The following TENM3 variants were observed in gnomAD, a reference collection of about 807,000 sequenced individuals.
TENM3 encodes teneurin-3.
In TENM3, 63 loss-of-function variants were observed where a neutral mutation model predicts 255.1. The observed-to-expected ratio is 0.25, with a 90% CI of 0.20 to 0.30. TENM3 has a LOEUF of 0.30. Among genes scored for constraint, TENM3 ranks in the 10% least tolerant of loss-of-function variants. TENM3 has a pLI of 1.00. For synonymous variants in TENM3, 1,306 were observed against 1,322.3 expected (o/e 0.99, Z 0.27); for missense variants, 2,929 against 3,461.1 (o/e 0.85, Z 3.86).
At chr4:181,678,714 T>G in the TENM3 span, among the ~76,000 whole-genome samples, 1 of 151,916 alleles carries the variant, frequency 6.6e-6, no homozygotes, top group East Asian at 1.9e-4. Flanking sequence ...GGTTGTTCTA[T>G]ATATATATAC....
the TENM3 span, among the ~76,000 whole-genome samples, chr4:181,611,268 C>T: frequency 2.0e-5 from 3 of 152,160 alleles, no homozygotes; most frequent in Non-Finnish European, 4.4e-5. Flanking sequence ...TTATTGCTAA[C>T]TGAAGCACAA....
the TENM3 span, chr4:181,906,360 G>A: frequency 1.5e-5 from 3 of 206,710 alleles, no homozygotes; most frequent in South Asian, 1.0e-4. Flanking sequence ...CCTCCTGTAC[G>A]AGAGAACTCT....
the TENM3 span, among the ~76,000 whole-genome samples, chr4:181,881,255 G>A: frequency 6.6e-6 from 1 of 152,096 alleles, no homozygotes; most frequent in South Asian, 2.1e-4. Context: ...TTAGAGGCAA[G>A]TATGATGACT....
chr4:181,560,878 A>T, the TENM3 span, among the ~76,000 whole-genome samples: 2 of 152,156 alleles, frequency 1.3e-5, no homozygotes, highest in African/African-American at 4.8e-5. Context: ...CATGGCTCTA[A>T]AGCTTTTTTT....
At chr4:181,677,072 C>T in the TENM3 span, among the ~76,000 whole-genome samples, 1 of 151,424 alleles carries the variant, frequency 6.6e-6, no homozygotes, top group Admixed American at 6.6e-5. Context: ...CTACTTGGCC[C>T]TTAAATATTG....
At chr4:182,369,124 T>C (rs1766621342) in intron 3 of TENM3, among the ~76,000 whole-genome samples, 1 of 152,202 alleles carries the variant, frequency 6.6e-6, no homozygotes, top group African/African-American at 2.4e-5. Context: ...ATTTTGGATG[T>C]GAATGTTGTT....
chr4:181,890,357 G>A, the TENM3 span, among the ~76,000 whole-genome samples: 512 of 152,020 alleles, frequency 3.4e-3, 1 homozygote, highest in African/African-American at 0.012. Context: ...GGTCACTTCA[G>A]GACACACTTA....
chr4:181,865,881 A>G, the TENM3 span, among the ~76,000 whole-genome samples: 2 of 152,208 alleles, frequency 1.3e-5, no homozygotes, highest in East Asian at 1.9e-4. Flanking sequence ...AAAAATATCT[A>G]TCTATGAACA....
the TENM3 span, among the ~76,000 whole-genome samples, chr4:181,481,916 C>T: frequency 6.6e-6 from 1 of 152,066 alleles, no homozygotes; most frequent in African/African-American, 2.4e-5. Flanking sequence ...TCCTTAGAAA[C>T]AATGTGGCTA....
chr4:182,163,018 A>G (rs187886268), intron 1 of TENM3, among the ~76,000 whole-genome samples: 1 of 152,224 alleles, frequency 6.6e-6, no homozygotes, highest in Non-Finnish European at 1.5e-5. Context: ...TTATCCCATT[A>G]TCCTGTTTGT....
chr4:182,680,241 T>A lies in TENM3; in HGVS notation c.1538-7T>A, dbSNP rs1297582841. On this transcript the variant is annotated splice_polypyrimidine_tract_variant and splice_region_variant and intron_variant, in intron 8 of 27. Coordinates refer to ENST00000511685, the MANE Select transcript of TENM3 (RefSeq NM_001080477.4). The stretch of plus-strand genomic sequence containing the variant: ...CAACAAGTGTTCCTTCTTTCCTTTT[T>A]CTTCAGAGTCTGTGGTGGAATGTCC... 1 of 1,603,686 alleles carries A rather than the reference T, an allele frequency of 6.2e-7. No individual in the cohort carries two copies. Among genetic ancestry groups the A allele is most frequent in the East Asian group, 2.2e-5 (1 of 44,840 alleles).
the TENM3 span, among the ~76,000 whole-genome samples, chr4:182,005,295 A>G: frequency 6.6e-6 from 1 of 152,198 alleles, no homozygotes; most frequent in Admixed American, 6.5e-5. Flanking sequence ...AGGGGTAGCC[A>G]GTTTTCCCAG....
the TENM3 span, among the ~76,000 whole-genome samples, chr4:181,696,214 G>A: frequency 2.6e-5 from 4 of 152,110 alleles, no homozygotes; most frequent in Non-Finnish European, 4.4e-5. Flanking sequence ...ACAGTTTTAT[G>A]TGCATATAAT....
chr4:181,855,220 C>A, the TENM3 span, among the ~76,000 whole-genome samples: 1 of 152,108 alleles, frequency 6.6e-6, no homozygotes, highest in Non-Finnish European at 1.5e-5. Flanking sequence ...TGTAAGCTTT[C>A]TTTGTGTTTT....
chr4:182,067,865 A>G, the TENM3 span, among the ~76,000 whole-genome samples: 14 of 152,104 alleles, frequency 9.2e-5, no homozygotes, highest in African/African-American at 3.1e-4. Context: ...TGATTTCTCT[A>G]TCGAGGCTTT....
At chr4:182,340,753 A>G (rs1040142357) in intron 2 of TENM3, among the ~76,000 whole-genome samples, 1 of 152,222 alleles carries the variant, frequency 6.6e-6, no homozygotes, top group Non-Finnish European at 1.5e-5. Context: ...GGTGCCACTG[A>G]TTCAACAAGC....
At chr4:181,876,967 T>A in the TENM3 span, 10 of 152,142 alleles carry the variant, frequency 6.6e-5, no homozygotes, top group Admixed American at 4.6e-4. Flanking sequence ...AACAATTTTA[T>A]CTTTTCTCAG....
In TENM3 at chr4:182,324,185, G is replaced by C; in HGVS notation, c.165G>C (p.Ser55=). Residue 55 remains serine (S), a synonymous_variant, in exon 2 of 28, where the codon TCG becomes TCC. Coordinates refer to ENST00000511685, the MANE Select transcript of TENM3 (RefSeq NM_001080477.4). The part of the protein sequence containing the change: ...ETLKAFDHDS[S]RLLYGNRVKD... ...TGAAAGCTTTTGATCATGATTCCTC[G>C]CGGCTGCTTTACGGCAACAGAGTGA... 1.2e-6 allele frequency: 2 copies of C among 1,613,982 alleles called. No individual in the cohort carries two copies. The highest frequency in any genetic ancestry group is 1.7e-6 in the Non-Finnish European group (2 of 1,179,884).
At chr4:182,383,021 A>C (rs1052655346) in intron 3 of TENM3, among the ~76,000 whole-genome samples, 1 of 152,192 alleles carries the variant, frequency 6.6e-6, no homozygotes, top group Non-Finnish European at 1.5e-5. Context: ...AAGGAAGACT[A>C]TTCAGAATTG....
Sources: gnomAD v4.1 joint callset for allele counts (sites outside exome capture counted in the v4.1 genomes callset) on GRCh38, gnomAD v4.1.1 for gene constraint, MANE v1.5 for transcripts, NCBI Gene and HGNC (gene_info 2026-07-23, HGNC 2026-07-21) for gene names.